FAM110B: variants seen among roughly 807,000 people sequenced by gnomAD.
FAM110B encodes the protein family with sequence similarity 110 member B.
A neutral mutation model predicts 20.4 loss-of-function variants in FAM110B; 6 were observed. The observed-to-expected ratio is 0.29, with a 90% confidence interval of 0.16 to 0.58. The LOEUF (loss-of-function observed/expected upper bound fraction) is 0.58, where lower values mean the gene tolerates loss of function less well. Among genes scored for constraint, FAM110B ranks in the 20% least tolerant of loss-of-function variants. FAM110B has a pLI of 0.90. For synonymous variants in FAM110B, 226 were observed against 214.1 expected, an observed-to-expected ratio of 1.06 and a Z score of -0.49; for missense variants, 434 against 498.2, an observed-to-expected ratio of 0.87 and a Z score of 1.23.
intron 2 of FAM110B, among the ~76,000 whole-genome samples, chr8:58,061,211 G>A (rs2150585371): frequency 6.6e-6 from 1 of 152,270 alleles, no homozygotes; most frequent in East Asian, 1.9e-4. Flanking sequence ...TCTTTGGTCT[G>A]TAAAACATTG....
chr8:58,054,450 C>T (rs1399903201), intron 2 of FAM110B, among the ~76,000 whole-genome samples: 1 of 152,248 alleles, frequency 6.6e-6, no homozygotes, highest in Non-Finnish European at 1.5e-5. Context: ...CCCTAATCCT[C>T]AGCTTCATTA....
chr8:58,083,751 G>A (rs773096970), intron 3 of FAM110B, among the ~76,000 whole-genome samples: 3 of 152,132 alleles, frequency 2.0e-5, no homozygotes, highest in East Asian at 1.9e-4. Context: ...TAAAAATTAC[G>A]TATCCAGTGT....
chr8:58,080,238 A>T (rs901257972), intron 3 of FAM110B, among the ~76,000 whole-genome samples: 5 of 152,230 alleles, frequency 3.3e-5, no homozygotes, highest in Non-Finnish European at 7.3e-5. Flanking sequence ...TACATGCAAC[A>T]GGAAAGTCGG....
chr8:58,018,823 T>C (rs1325803291), intron 1 of FAM110B, among the ~76,000 whole-genome samples: 1 of 151,832 alleles, frequency 6.6e-6, no homozygotes, highest in Non-Finnish European at 1.5e-5. Flanking sequence ...GATAGATAGA[T>C]AGATAGATAG....
At chr8:58,127,836 T>G (rs1807549734) in intron 3 of FAM110B, among the ~76,000 whole-genome samples, 1 of 152,224 alleles carries the variant, frequency 6.6e-6, no homozygotes, top group Non-Finnish European at 1.5e-5. Context: ...GATCCCTATT[T>G]ATGGACAGGA....
At chr8:58,066,611 C>CTCTTGCCCGCCAGTTG (rs1426199826) in intron 2 of FAM110B, among the ~76,000 whole-genome samples, 2 of 152,218 alleles carry the variant, frequency 1.3e-5, no homozygotes, top group Admixed American at 6.5e-5. Flanking sequence ...GCTCCCCGGA[C>CTCTTGCCCGCCAGTTG]TCTTGCCCGC....
At chr8:58,059,928 G>A (rs1485289925) in intron 2 of FAM110B, among the ~76,000 whole-genome samples, 1 of 151,976 alleles carries the variant, frequency 6.6e-6, no homozygotes, top group Non-Finnish European at 1.5e-5. Flanking sequence ...TGAGGTAAGG[G>A]TCAGCGTTTA....
chr8:58,112,996 C>T (rs1807101096), intron 3 of FAM110B, among the ~76,000 whole-genome samples: 2 of 152,172 alleles, frequency 1.3e-5, no homozygotes, highest in African/African-American at 4.8e-5. Flanking sequence ...CTTCTGGGCT[C>T]ACAGATGGAC....
At chr8:58,013,195 C>T (rs1346823127) in intron 1 of FAM110B, among the ~76,000 whole-genome samples, 2 of 152,214 alleles carry the variant, frequency 1.3e-5, no homozygotes, top group African/African-American at 2.4e-5. Context: ...CTCTTTACTG[C>T]ACTAGATGGC....
At chr8:58,139,271 C>T (rs946500249) in intron 3 of FAM110B, among the ~76,000 whole-genome samples, 8 of 152,152 alleles carry the variant, frequency 5.3e-5, no homozygotes, top group Admixed American at 2.0e-4. Context: ...ACTTGCAATC[C>T]GGAGCTGATT....
At chr8:58,111,739 C>G (rs1485976813) in intron 3 of FAM110B, among the ~76,000 whole-genome samples, 2 of 152,164 alleles carry the variant, frequency 1.3e-5, no homozygotes, top group Non-Finnish European at 2.9e-5. Flanking sequence ...CTGCTATTTT[C>G]TAGGTCCCCC....
intron 1 of FAM110B, among the ~76,000 whole-genome samples, chr8:58,019,197 G>A (rs1443376499): frequency 6.6e-6 from 1 of 151,716 alleles, no homozygotes; most frequent in Non-Finnish European, 1.5e-5. Context: ...CATTAGCTGG[G>A]TGTGGTGGCA....
intron 2 of FAM110B, among the ~76,000 whole-genome samples, chr8:58,068,138 T>C (rs1212466384): frequency 6.6e-6 from 1 of 152,182 alleles, no homozygotes; most frequent in Non-Finnish European, 1.5e-5. Context: ...TGCCTGGAAG[T>C]GTTACTAGCC....
At chr8:58,066,907 G>T (rs556069129) in intron 2 of FAM110B, among the ~76,000 whole-genome samples, 1 of 152,070 alleles carries the variant, frequency 6.6e-6, no homozygotes, top group South Asian at 2.1e-4. Flanking sequence ...AACATCAGCC[G>T]CAATAGCCCT....
At chr8:58,061,369 A>G (rs889699017) in intron 2 of FAM110B, among the ~76,000 whole-genome samples, 3 of 152,176 alleles carry the variant, frequency 2.0e-5, no homozygotes, top group Non-Finnish European at 4.4e-5. Context: ...CCTTCTATAT[A>G]ATTGAGTATG....
chr8:58,043,573 C>T (rs1044130951), intron 2 of FAM110B, among the ~76,000 whole-genome samples: 2 of 152,042 alleles, frequency 1.3e-5, no homozygotes, highest in African/African-American at 4.8e-5. Flanking sequence ...ATGCTGCACC[C>T]ATTAAGTCGT....
At chr8:58,027,873 T>G (rs1416071221) in intron 1 of FAM110B, among the ~76,000 whole-genome samples, 2 of 152,228 alleles carry the variant, frequency 1.3e-5, no homozygotes, top group Non-Finnish European at 2.9e-5. Flanking sequence ...CTTTCAAGTT[T>G]GGAGTTATTA....
At chr8:58,050,617 C>T (rs999903601) in intron 2 of FAM110B, among the ~76,000 whole-genome samples, 1 of 152,202 alleles carries the variant, frequency 6.6e-6, no homozygotes, top group South Asian at 2.1e-4. Flanking sequence ...AGGAACATTG[C>T]AGCCAACAGC....
At chr8:58,003,428 A>C (rs1804340706) in intron 1 of FAM110B, among the ~76,000 whole-genome samples, 1 of 152,222 alleles carries the variant, frequency 6.6e-6, no homozygotes, top group Admixed American at 6.5e-5. Context: ...AGAATGGTGA[A>C]TCCTTTCCAG....
Sources: gnomAD v4.1 joint callset for allele counts (sites outside exome capture counted in the v4.1 genomes callset) on GRCh38, gnomAD v4.1.1 for gene constraint, MANE v1.5 for transcripts, NCBI Gene and HGNC (gene_info 2026-07-23, HGNC 2026-07-21) for gene names.